NCOA7: variants seen among roughly 807,000 people sequenced by gnomAD.
NCOA7 encodes 140 kDa estrogen receptor-associated protein.
In NCOA7, 45 loss-of-function variants were observed where a neutral mutation model predicts 104.3. The observed-to-expected ratio is 0.43, with a 90% CI of 0.34 to 0.55. NCOA7 has a LOEUF of 0.55. Among genes scored for constraint, NCOA7 ranks in the 20% least tolerant of loss-of-function variants. NCOA7 has a pLI of 0.02. For missense variants in NCOA7, 1,041 were observed against 1,119.7 expected (o/e 0.93, Z 1.00); for synonymous variants, 398 against 402.3 (o/e 0.99, Z 0.13).
chr6:125,866,485 C>G (rs1782451955), intron 3 of NCOA7, among the ~76,000 whole-genome samples: 1 of 152,178 alleles, frequency 6.6e-6, no homozygotes, highest in South Asian at 2.1e-4. Flanking sequence ...CCCTTGAACC[C>G]TTACTGTGCA....
intron 3 of NCOA7, among the ~76,000 whole-genome samples, chr6:125,864,822 A>C (rs1472054530): frequency 7.2e-6 from 1 of 138,178 alleles, no homozygotes; most frequent in Non-Finnish European, 1.5e-5. Flanking sequence ...GAATATACTA[A>C]GACAATGGCT....
intron 2 of NCOA7, among the ~76,000 whole-genome samples, chr6:125,820,574 G>T (rs189152740): frequency 2.1e-3 from 324 of 152,264 alleles, no homozygotes; most frequent in Non-Finnish European, 3.1e-3. Flanking sequence ...TGTAGCTTTC[G>T]TGTTCAAGTA....
At chr6:125,827,112 C>T (rs142350597) in intron 2 of NCOA7, among the ~76,000 whole-genome samples, 20 of 147,818 alleles carry the variant, frequency 1.4e-4, no homozygotes, top group African/African-American at 4.5e-4. Flanking sequence ...GTGTGAACCC[C>T]GGAGGCAGAG....
chr6:125,866,569 C>G (rs1003542876), intron 3 of NCOA7, among the ~76,000 whole-genome samples: 1 of 152,132 alleles, frequency 6.6e-6, no homozygotes, highest in Non-Finnish European at 1.5e-5. Context: ...GCAGTATCTC[C>G]ATTTTGTGCA....
chr6:125,843,073 C>G (rs1015051619), intron 2 of NCOA7, among the ~76,000 whole-genome samples: 1 of 152,196 alleles, frequency 6.6e-6, no homozygotes, highest in African/African-American at 2.4e-5. Context: ...TTCCTAATCC[C>G]TGGTACCTGA....
intron 1 of NCOA7, among the ~76,000 whole-genome samples, chr6:125,797,103 T>C (rs1775411607): frequency 6.6e-6 from 1 of 152,200 alleles, no homozygotes; most frequent in Non-Finnish European, 1.5e-5. Context: ...TTTTCTTCTG[T>C]AGTTGGTACA....
chr6:125,799,943 A>G (rs902622335), intron 1 of NCOA7, among the ~76,000 whole-genome samples: 3 of 152,218 alleles, frequency 2.0e-5, no homozygotes, highest in Non-Finnish European at 4.4e-5. Flanking sequence ...TTTCAAAATC[A>G]GAATGTTATA....
intron 2 of NCOA7, among the ~76,000 whole-genome samples, chr6:125,832,100 A>G (rs1779239647): frequency 6.6e-6 from 1 of 152,232 alleles, no homozygotes; most frequent in Admixed American, 6.5e-5. Flanking sequence ...TATCTGCTCT[A>G]TACTTCTTCC....
chr6:125,908,196 C>G (rs1786204014), intron 10 of NCOA7, among the ~76,000 whole-genome samples: 1 of 152,200 alleles, frequency 6.6e-6, no homozygotes, highest in South Asian at 2.1e-4. Flanking sequence ...GATATTTCTT[C>G]TAGAGAAAAT....
At chr6:125,913,366 G>A (rs1444780392) in intron 10 of NCOA7, among the ~76,000 whole-genome samples, 1 of 152,128 alleles carries the variant, frequency 6.6e-6, no homozygotes, top group East Asian at 1.9e-4. Flanking sequence ...TCACCTGATT[G>A]GATGAGGCCC....
chr6:125,783,107 C>G (rs1371215163), intron 1 of NCOA7, among the ~76,000 whole-genome samples: 2 of 152,156 alleles, frequency 1.3e-5, no homozygotes, highest in African/African-American at 2.4e-5. Flanking sequence ...AGCAGCTCTG[C>G]CAACATCTTG....
chr6:125,894,406 T>G (rs932225955), intron 10 of NCOA7, among the ~76,000 whole-genome samples: 2 of 152,180 alleles, frequency 1.3e-5, no homozygotes, highest in Non-Finnish European at 2.9e-5. Context: ...GAGATTTCAC[T>G]ACTGTCCCCT....
chr6:125,889,183 T>C lies in NCOA7; in HGVS notation c.1129T>C (p.Ser377Pro). The change falls in exon 9 of 16, where the codon TCT becomes CCT. Residue 377 changes from serine to proline, a missense_variant. Physicochemically the swap from Ser to Pro is moderately conservative, Grantham distance 74. Around this residue, in one of 2 missense-constraint regions of NCOA7, gnomAD observed 914 missense variants for 942.7 expected, o/e 0.97. Transcript: ENST00000392477. ...AGAGAAATTAAAGAAACTGGACTCC[T>C]CTAGGGAGACATCCCATGGTTCTCC... ...VSEKLKKLDS[S>P]RETSHGSPTV... The C allele has an allele frequency of 6.2e-7, 1 of 1,614,058 alleles. No individual in the cohort carries two copies. Among genetic ancestry groups the C allele is most frequent in the East Asian group, 2.2e-5 (1 of 44,858 alleles).
intron 10 of NCOA7, among the ~76,000 whole-genome samples, chr6:125,902,122 CG>C (rs1562163209): frequency 6.6e-6 from 1 of 151,938 alleles, no homozygotes; most frequent in African/African-American, 2.4e-5. Context: ...GGGGGAAAAA[CG>C]GGGATGTGAA....
In NCOA7 at chr6:125,922,821, A is replaced by G; in HGVS notation, c.2510A>G (p.Asp837Gly). ...AGTCCTGTCCTATTGGTCATCAAAGATATGGATAATCAGGTGAGGCCTGTC... is the reference window on the plus strand; with the variant it reads ...AGTCCTGTCCTATTGGTCATCAAAGGTATGGATAATCAGGTGAGGCCTGTC... ...LDSPVLLVIK[D>G]MDNQIFGAYA... The change falls in exon 13 of 16, where the codon GAT becomes GGT. Residue 837 changes from aspartate to glycine, a missense_variant. Transcript: ENST00000392477. The G allele has an allele frequency of 6.2e-7, 1 of 1,614,060 alleles. No homozygotes were observed.
At chr6:125,848,480 A>G (rs1199142866) in intron 2 of NCOA7, among the ~76,000 whole-genome samples, 1 of 152,200 alleles carries the variant, frequency 6.6e-6, no homozygotes, top group Non-Finnish European at 1.5e-5. Flanking sequence ...ATAAAAAAGG[A>G]TGAGTTCATA....
At chr6:125,806,556 A>G (rs1369116672) in intron 1 of NCOA7, among the ~76,000 whole-genome samples, 1 of 152,146 alleles carries the variant, frequency 6.6e-6, no homozygotes, top group Non-Finnish European at 1.5e-5. Flanking sequence ...TCCTCTTAAT[A>G]GTGATTCTCA....
Position 125,862,037 on chromosome 6 carries a change from C to CAA in NCOA7, c.271+6823_271+6824dup, listed in dbSNP as rs56389001. Among the ~76,000 whole-genome samples the CAA allele has an allele frequency of 1.6e-3, 101 of 63,738 alleles. 11 individuals carry two copies. Among genetic ancestry groups the CAA allele is most frequent in the South Asian group, 3.6e-3 (8 of 2,232 alleles). 41.8% of individuals were successfully genotyped at this position (63,738 alleles called of 152,430 possible). The stretch of plus-strand genomic sequence containing the variant: ...GGGCAACAAGAGTGAAACTCTTTCT[C>CAA]AAAAAAAAAAAAAAAAAAAAAAAAA... On this transcript the variant is annotated intron_variant, in intron 3 of 15. Transcript: ENST00000392477.
chr6:125,822,237 A>C (rs1002611410), intron 2 of NCOA7, among the ~76,000 whole-genome samples: 2 of 152,248 alleles, frequency 1.3e-5, no homozygotes, highest in East Asian at 1.9e-4. Flanking sequence ...GCACAGTTTT[A>C]ATTGTGTTGA....
Sources: allele counts gnomAD v4.1 joint callset (sites outside exome capture counted in the v4.1 genomes callset), GRCh38; gene constraint gnomAD v4.1.1; regional missense constraint gnomAD v4.1.1; transcripts MANE v1.5; gene names NCBI Gene and HGNC (gene_info 2026-07-23, HGNC 2026-07-21).